SORCS1: variants seen among roughly 807,000 people sequenced by gnomAD.
SORCS1 encodes the protein sortilin related VPS10 domain containing receptor 1, also known as VPS10 domain-containing receptor SorCS1.
A neutral mutation model predicts 146.1 loss-of-function variants in SORCS1; 60 were observed. The observed-to-expected ratio is 0.41, with a 90% CI of 0.33 to 0.51. The LOEUF (loss-of-function observed/expected upper bound fraction) is 0.51, where lower values mean the gene tolerates loss of function less well. Ranked by LOEUF, SORCS1 falls within the 20% of genes least tolerant of loss-of-function variation. The probability of loss-of-function intolerance (pLI) is 0.21; values close to 1 mark genes in which losing one functional copy is unlikely to be tolerated. For synonymous variants in SORCS1, 637 were observed against 584.0 expected, an observed-to-expected ratio of 1.09 and a Z score of -1.31; for missense variants, 1,352 against 1,487.6, an observed-to-expected ratio of 0.91 and a Z score of 1.50.
chr10:106,644,716 T>C (rs906998006), intron 18 of SORCS1, among the ~76,000 whole-genome samples: 17 of 152,230 alleles, frequency 1.1e-4, no homozygotes, highest in African/African-American at 3.9e-4. Context: ...TTAAATGGAA[T>C]AATGCAACAT....
At chr10:106,944,845 T>TATGGTAGA (rs1954231032) in intron 2 of SORCS1, among the ~76,000 whole-genome samples, 1 of 133,460 alleles carries the variant, frequency 7.5e-6, no homozygotes, top group Non-Finnish European at 1.6e-5. Context: ...CAAAGAGAGC[T>TATGGTAGA]ATGGTAGAAA....
chr10:106,919,292 G>T (rs1425788506), intron 2 of SORCS1, among the ~76,000 whole-genome samples: 1 of 152,166 alleles, frequency 6.6e-6, no homozygotes, highest in Non-Finnish European at 1.5e-5. Context: ...TTTCACCCAG[G>T]TCTTCTGATT....
chr10:106,690,566 T>C (rs1237473253), intron 9 of SORCS1, among the ~76,000 whole-genome samples: 1 of 152,220 alleles, frequency 6.6e-6, no homozygotes, highest in Non-Finnish European at 1.5e-5. Context: ...CAAATGCCAC[T>C]TGAGCAAAGA....
At chr10:106,852,615 G>A (rs141448329) in intron 2 of SORCS1, among the ~76,000 whole-genome samples, 2,403 of 133,296 alleles carry the variant, frequency 0.018, 84 homozygotes, top group African/African-American at 0.063. Flanking sequence ...GTGACAGAGC[G>A]AGACCCTGTC....
At chr10:106,630,959 T>C (rs1048003584) in intron 18 of SORCS1, among the ~76,000 whole-genome samples, 17 of 152,198 alleles carry the variant, frequency 1.1e-4, no homozygotes, top group Non-Finnish European at 2.1e-4. Flanking sequence ...GTCCATCCTT[T>C]AACAAATTTT....
Position 106,667,763 on chromosome 10 carries a change from C to T in SORCS1, c.2229G>A (p.Leu743=), listed in dbSNP as rs1005250793. The T allele has an allele frequency of 4.3e-6, 7 of 1,613,960 alleles. No homozygotes were observed. In the African/African-American group the frequency reaches 8.0e-5, roughly 18 times the overall value. ...AGGATGGATTGAACCAAAATGCCGGCAGGCACTGGCCATTGCTGTGTCGCT... is the reference window on the plus strand; with the variant it reads ...AGGATGGATTGAACCAAAATGCCGGTAGGCACTGGCCATTGCTGTGTCGCT... ...GYERHSNGQC[L]PAFWFNPSSL... Residue 743 remains leucine, a synonymous_variant, in exon 17 of 26, where the codon CTG becomes CTA. Coordinates refer to ENST00000263054, the MANE Select transcript of SORCS1 (RefSeq NM_052918.5).
At chr10:106,602,873 A>T (rs576446065) in intron 23 of SORCS1, among the ~76,000 whole-genome samples, 3 of 152,332 alleles carry the variant, frequency 2.0e-5, no homozygotes, top group African/African-American at 7.2e-5. Context: ...ATTCCATTTC[A>T]TAATAAATTT....
At chr10:106,640,978 T>A (rs996259944) in intron 18 of SORCS1, among the ~76,000 whole-genome samples, 1 of 152,170 alleles carries the variant, frequency 6.6e-6, no homozygotes, top group Non-Finnish European at 1.5e-5. Flanking sequence ...GCATTGTGTG[T>A]GCTTGTGTGC....
intron 1 of SORCS1, among the ~76,000 whole-genome samples, chr10:107,010,515 G>A (rs539486238): frequency 6.6e-6 from 1 of 152,092 alleles, no homozygotes; most frequent in African/African-American, 2.4e-5. Context: ...ATCCTGCATC[G>A]GTGAACATCC....
intron 2 of SORCS1, among the ~76,000 whole-genome samples, chr10:106,943,455 A>C (rs1954153554): frequency 6.6e-6 from 1 of 152,036 alleles, no homozygotes; most frequent in African/African-American, 2.4e-5. Flanking sequence ...GTATACTTTA[A>C]TTATCTGAAA....
At chr10:107,052,360 G>A (rs1032688698) in intron 1 of SORCS1, among the ~76,000 whole-genome samples, 1 of 152,074 alleles carries the variant, frequency 6.6e-6, no homozygotes, top group African/African-American at 2.4e-5. Flanking sequence ...AACCTTGAGA[G>A]GTATCACTCA....
At chr10:106,907,398 T>C (rs1951955489) in intron 2 of SORCS1, among the ~76,000 whole-genome samples, 1 of 152,136 alleles carries the variant, frequency 6.6e-6, no homozygotes, top group African/African-American at 2.4e-5. Flanking sequence ...AGTTCAAATA[T>C]ATTGTCATTA....
intron 3 of SORCS1, among the ~76,000 whole-genome samples, chr10:106,813,524 T>C (rs918019210): frequency 1.3e-5 from 2 of 152,182 alleles, no homozygotes; most frequent in African/African-American, 2.4e-5. Context: ...GAGGCAGCTG[T>C]AGGCCACCAG....
chr10:106,999,276 C>T (rs74962338), intron 1 of SORCS1, among the ~76,000 whole-genome samples: 3,303 of 152,182 alleles, frequency 0.022, 106 homozygotes, highest in East Asian at 0.14. Context: ...CACAGATGCA[C>T]ACACACAAAT....
In SORCS1 at chr10:107,012,831, C is replaced by G. The variant is rs181865322; in HGVS notation, c.559-56251G>C. ...TTATACTTTTATTTATAACATTGTG[C>G]ATGTTTTGGCTAGCTCCTCTCTTTC... On this transcript the variant is annotated intron_variant, in intron 1 of 25. Transcript: ENST00000263054. 4.6e-5 allele frequency among the ~76,000 whole-genome samples: 7 copies of G among 152,252 alleles called. No homozygotes were observed. The East Asian group carries it at 1.2e-3, about 25-fold the overall frequency.
At chr10:106,684,195 G>A (rs1852646731) in intron 10 of SORCS1, among the ~76,000 whole-genome samples, 1 of 152,050 alleles carries the variant, frequency 6.6e-6, no homozygotes, top group South Asian at 2.1e-4. Context: ...AAAATTAGCT[G>A]GGCATAGTGG....
At chr10:107,176,655 T>A in the SORCS1 span, among the ~76,000 whole-genome samples, 2 of 152,192 alleles carry the variant, frequency 1.3e-5, no homozygotes, top group African/African-American at 4.8e-5. Context: ...TTTCTAATTA[T>A]GTTTTTAAAT....
chr10:106,611,007 A>T (rs1846943867), intron 22 of SORCS1, among the ~76,000 whole-genome samples: 2 of 152,030 alleles, frequency 1.3e-5, no homozygotes, highest in Admixed American at 1.3e-4. Context: ...TTGAACCCGG[A>T]AGGCAGAGGT....
intron 2 of SORCS1, among the ~76,000 whole-genome samples, chr10:106,938,290 C>A (rs1401164033): frequency 6.6e-6 from 1 of 152,214 alleles, no homozygotes; most frequent in Non-Finnish European, 1.5e-5. Context: ...TCATTATACA[C>A]TGGCTTGGTA....
Sources: allele counts gnomAD v4.1 joint callset (sites outside exome capture counted in the v4.1 genomes callset), GRCh38; gene constraint gnomAD v4.1.1; transcripts MANE v1.5; gene names NCBI Gene and HGNC (gene_info 2026-07-23, HGNC 2026-07-21).